SHROOM4: variants seen among roughly 807,000 people sequenced by gnomAD.
The protein encoded by SHROOM4 is shroom family member 4, also known as protein Shroom4.
A neutral mutation model predicts 80.3 loss-of-function variants in SHROOM4; 17 were observed. The observed-to-expected ratio is 0.21, with a 90% CI of 0.14 to 0.32. SHROOM4 has a LOEUF of 0.32. Ranked by LOEUF, SHROOM4 falls within the 10% of genes least tolerant of loss-of-function variation. SHROOM4 has a pLI of 1.00. For missense variants in SHROOM4, 993 were observed against 1,140.3 expected, an observed-to-expected ratio of 0.87 and a Z score of 1.86; for synonymous variants, 400 against 437.5, an observed-to-expected ratio of 0.91 and a Z score of 1.07.
At chrX:50,756,400 T>G (rs782068702) in intron 1 of SHROOM4, among the ~76,000 whole-genome samples, 1 of 112,369 alleles carries the variant, frequency 8.9e-6, no homozygotes, top group African/African-American at 3.2e-5. Context: ...AAGTTGAGGA[T>G]GTTTGGGGTG....
intron 1 of SHROOM4, among the ~76,000 whole-genome samples, chrX:50,704,431 G>A (rs1557263779): frequency 9.0e-6 from 1 of 111,613 alleles, no homozygotes; most frequent in Non-Finnish European, 1.9e-5. Flanking sequence ...TTTTTAACTT[G>A]CCTACTGAAT....
chrX:50,576,710 G>A, the SHROOM4 span, among the ~76,000 whole-genome samples: 1 of 110,269 alleles, frequency 9.1e-6, no homozygotes, highest in Admixed American at 9.7e-5. Flanking sequence ...TAAAAAATCG[G>A]TTTTGATTCA....
intron 1 of SHROOM4, among the ~76,000 whole-genome samples, chrX:50,806,675 C>T (rs889714242): frequency 8.9e-6 from 1 of 112,003 alleles, no homozygotes; most frequent in Non-Finnish European, 1.9e-5. Context: ...ATCTTGATAC[C>T]GACATAACCA....
At chrX:50,783,093 T>TA (rs1428288816) in intron 1 of SHROOM4, among the ~76,000 whole-genome samples, 1 of 112,083 alleles carries the variant, frequency 8.9e-6, no homozygotes, top group East Asian at 2.8e-4. Context: ...TACAGCTGGT[T>TA]AAAATGAGGT....
chrX:50,673,763 C>A (rs1199352880), intron 2 of SHROOM4, among the ~76,000 whole-genome samples: 1 of 109,833 alleles, frequency 9.1e-6, no homozygotes, highest in Non-Finnish European at 1.9e-5. Context: ...ATAAAGTAAG[C>A]AACCAAAGAA....
At chrX:50,685,609 T>C (rs1265962936) in intron 2 of SHROOM4, among the ~76,000 whole-genome samples, 1 of 111,939 alleles carries the variant, frequency 8.9e-6, no homozygotes, top group Non-Finnish European at 1.9e-5. Flanking sequence ...CCAGAAACAG[T>C]GGAAAGAAAC....
At chrX:50,796,007 C>A (rs1439193209) in intron 1 of SHROOM4, among the ~76,000 whole-genome samples, 2 of 111,557 alleles carry the variant, frequency 1.8e-5, no homozygotes, top group Non-Finnish European at 3.8e-5. Context: ...AAGATAGGAG[C>A]CATATTTCTG....
the SHROOM4 span, among the ~76,000 whole-genome samples, chrX:50,581,756 ATTCAGCTGCC>A: frequency 1.8e-5 from 2 of 112,029 alleles, no homozygotes; most frequent in African/African-American, 6.5e-5. Flanking sequence ...TTTTAAGAGA[ATTCAGCTGCC>A]TTCAGCCAAA....
intron 2 of SHROOM4, among the ~76,000 whole-genome samples, chrX:50,680,813 T>C (rs1932927122): frequency 9.0e-6 from 1 of 111,666 alleles, no homozygotes; most frequent in Non-Finnish European, 1.9e-5. Flanking sequence ...TTAGTTAACA[T>C]TAGCATGTAG....
chrX:50,761,036 T>A (rs112628380), intron 1 of SHROOM4, among the ~76,000 whole-genome samples: 1 of 112,029 alleles, frequency 8.9e-6, no homozygotes, highest in Non-Finnish European at 1.9e-5. Context: ...TTAAACCCTA[T>A]TTTTTTAACT....
chrX:50,726,691 A>G (rs147825273), intron 1 of SHROOM4, among the ~76,000 whole-genome samples: 3,638 of 113,097 alleles, frequency 0.032, 78 homozygotes, highest in Middle Eastern at 0.064. Flanking sequence ...TGCACAGCAG[A>G]TAAGAGCTGA....
At chrX:50,651,334 A>G (rs1932046426) in intron 2 of SHROOM4, among the ~76,000 whole-genome samples, 1 of 112,217 alleles carries the variant, frequency 8.9e-6, no homozygotes, top group African/African-American at 3.2e-5. Flanking sequence ...TCATTCTCAT[A>G]ACCTTACTAA....
At chrX:50,715,806 C>T (rs1382161983) in intron 1 of SHROOM4, among the ~76,000 whole-genome samples, 1 of 102,330 alleles carries the variant, frequency 9.8e-6, no homozygotes, top group Non-Finnish European at 2.0e-5. Context: ...CAAGGTTCCT[C>T]AAAAAATTAA....
intron 2 of SHROOM4, among the ~76,000 whole-genome samples, chrX:50,676,957 G>T (rs887614561): frequency 2.7e-5 from 3 of 111,581 alleles, no homozygotes; most frequent in African/African-American, 9.7e-5. Context: ...AGAGAGAAAC[G>T]GGATTTTTAC....
chrX:50,637,279 A>G (rs1931400316), intron 3 of SHROOM4, among the ~76,000 whole-genome samples: 1 of 112,067 alleles, frequency 8.9e-6, no homozygotes, highest in East Asian at 2.8e-4. Context: ...GCAGCCCATG[A>G]GACCCTCAGG....
At chrX:50,785,285 T>G in intron 1 of SHROOM4, among the ~76,000 whole-genome samples, 1 of 111,707 alleles carries the variant, frequency 9.0e-6, no homozygotes, top group Non-Finnish European at 1.9e-5. Context: ...GCCATTCTAT[T>G]CATAGATTTA....
Position 50,602,627 on chromosome X carries a change from C to T in SHROOM4, c.3942+6G>A. The T allele has an allele frequency of 8.3e-7, 1 of 1,210,033 alleles. No homozygotes were observed. Among genetic ancestry groups the T allele is most frequent in the Non-Finnish European group, 1.1e-6 (1 of 894,206 alleles). On this transcript the variant is annotated splice_donor_region_variant and intron_variant, in intron 7 of 8. Coordinates refer to ENST00000376020, the MANE Select transcript of SHROOM4 (RefSeq NM_020717.5). ...AAAATCTCTAGGACACATCAAAAAA[C>T]TTTACCTTTTTTTGAGCCAGTTCAT...
chrX:50,786,285 G>C (rs782181483), intron 1 of SHROOM4, among the ~76,000 whole-genome samples: 1 of 111,815 alleles, frequency 8.9e-6, no homozygotes, highest in Non-Finnish European at 1.9e-5. Context: ...ATGGGACCTA[G>C]CACCTAGCCA....
intron 2 of SHROOM4, among the ~76,000 whole-genome samples, chrX:50,675,700 A>G (rs782519576): frequency 1.8e-5 from 2 of 111,491 alleles, no homozygotes; most frequent in Non-Finnish European, 3.8e-5. Context: ...TTGATGCTAT[A>G]GTAGTAAATT....
Sources: allele counts gnomAD v4.1 joint callset (sites outside exome capture counted in the v4.1 genomes callset), GRCh38; gene constraint gnomAD v4.1.1; transcripts MANE v1.5; gene names NCBI Gene and HGNC (gene_info 2026-07-23, HGNC 2026-07-21).